CCDC47: variants seen among roughly 807,000 people sequenced by gnomAD.
CCDC47 encodes PAT complex subunit CCDC47.
In CCDC47, 41 loss-of-function variants were observed where a neutral mutation model predicts 60.5. The observed-to-expected ratio is 0.68, with a 90% CI of 0.53 to 0.88. The LOEUF is 0.88. Ranked by LOEUF, CCDC47 falls within the 40% of genes least tolerant of loss-of-function variation. The pLI, the probability that CCDC47 is intolerant of heterozygous loss-of-function variation, is 0.00. For synonymous variants in CCDC47, 195 were observed against 190.7 expected (o/e 1.02, Z -0.18); for missense variants, 513 against 580.9 (o/e 0.88, Z 1.20).
chr17:63,748,144 T>C (rs975547777), intron 12 of CCDC47, among the ~76,000 whole-genome samples: 6 of 151,424 alleles, frequency 4.0e-5, no homozygotes, highest in Non-Finnish European at 5.9e-5. Context: ...CGTGAGCCAA[T>C]GTGCCTGGCC....
chr17:63,765,945 G>C lies in CCDC47; in HGVS notation c.231C>G (p.Asn77Lys). The change falls in exon 2 of 13, where the codon AAC becomes AAG. Residue 77 changes from asparagine to lysine, a missense_variant. Transcript: ENST00000225726. ...TTVELEGQDENQEGDFEDADT... is the reference protein window; with the variant it reads ...TTVELEGQDEKQEGDFEDADT... ...CTGCATCTTCAAAATCTCCTTCTTG[G>C]TTTTCATCCTGCCCTTCCAACTCCA... 1 of 1,613,566 alleles carries C rather than the reference G, an allele frequency of 6.2e-7. No homozygotes were observed. The highest frequency in any genetic ancestry group is 8.5e-7 in the Non-Finnish European group (1 of 1,179,798).
Position 63,771,346 on chromosome 17 carries a change from C to G in CCDC47, c.-20+2066G>C, listed in dbSNP as rs560888887. Among the ~76,000 whole-genome samples the G allele has an allele frequency of 2.6e-5, 4 of 152,124 alleles. No individual in the cohort carries two copies. In the East Asian group the frequency reaches 7.7e-4, roughly 29 times the overall value. ...GCATAGGTTATACGTAAATACTACA[C>G]CATTTTATATAAGGGACTTGAGTAT... On this transcript the variant is annotated intron_variant, in intron 1 of 12. Coordinates refer to ENST00000225726, the MANE Select transcript of CCDC47 (RefSeq NM_020198.3).
intron 4 of CCDC47, 175 bp from the exon 5 acceptor site, chr17:63,761,526 A>T (rs1184485416): frequency 2.2e-6 from 1 of 459,266 alleles, no homozygotes; most frequent in Non-Finnish European, 3.6e-6. Flanking sequence ...CTAAAAAAAA[A>T]AAAAAAAAAA....
intron 9 of CCDC47, chr17:63,753,393 T>C (rs938360882): frequency 4.9e-6 from 1 of 202,036 alleles, no homozygotes; most frequent in East Asian, 1.9e-4. Context: ...TGCCACTGAG[T>C]TGAGCAAGAC....
At chr17:63,751,721 A>G (rs1441237695) in intron 12 of CCDC47, 21 of 627,592 alleles carry the variant, frequency 3.3e-5, no homozygotes, top group South Asian at 2.1e-4. Flanking sequence ...GGGGAACAGG[A>G]TAATACTGAT....
At chr17:63,771,236 T>C (rs145096430) in intron 1 of CCDC47, among the ~76,000 whole-genome samples, 90 of 151,772 alleles carry the variant, frequency 5.9e-4, no homozygotes, top group African/African-American at 1.9e-3. Flanking sequence ...TAAAAAAAAA[T>C]ACAATTAAAT....
chr17:63,762,856 T>C (rs111522542), intron 4 of CCDC47, among the ~76,000 whole-genome samples: 20 of 152,350 alleles, frequency 1.3e-4, no homozygotes, highest in Admixed American at 1.2e-3. Flanking sequence ...GATTACATTA[T>C]ACTAATCAGA....
At chr17:63,752,840 A>G in intron 9 of CCDC47, 41 bp from the exon 10 acceptor site, 1 of 1,596,676 alleles carries the variant, frequency 6.3e-7, no homozygotes, top group Admixed American at 1.7e-5. Context: ...AATACAAGAA[A>G]GATGTTTTCC....
chr17:63,765,044 A>G lies in CCDC47; in HGVS notation c.265-197T>C, dbSNP rs1030972002. The G allele has an allele frequency of 8.6e-6, 7 of 813,710 alleles. No individual in the cohort carries two copies. The African/African-American group carries it at 9.4e-5, about 11-fold the overall frequency. 50.4% of individuals were successfully genotyped at this position (813,710 alleles called of 1,614,324 possible). A position where few individuals can be genotyped will look rare whatever the true frequency, so the allele number is the denominator to read the frequency against. Reference sequence around the variant, plus strand: ...AGAAAGTTCTGAAGACCTAATGTGCAGCAAGGTGACTACAGTTAATAATAA... The same window carrying G: ...AGAAAGTTCTGAAGACCTAATGTGCGGCAAGGTGACTACAGTTAATAATAA... On this transcript the variant is annotated intron_variant, in intron 2 of 12. Coordinates refer to ENST00000225726, the MANE Select transcript of CCDC47 (RefSeq NM_020198.3).
chr17:63,761,525 A>AG (rs1170590543), intron 4 of CCDC47, 174 bp from the exon 5 acceptor site: 1 of 455,032 alleles, frequency 2.2e-6, no homozygotes, highest in Non-Finnish European at 3.7e-6. Flanking sequence ...ACTAAAAAAA[A>AG]AAAAAAAAAA....
intron 4 of CCDC47, among the ~76,000 whole-genome samples, chr17:63,762,459 A>T (rs1015373946): frequency 6.6e-6 from 1 of 152,248 alleles, no homozygotes; most frequent in African/African-American, 2.4e-5. Flanking sequence ...TTAGGAAAAC[A>T]GCAACTATAG....
At chr17:63,757,184 G>A (rs957761398) in intron 6 of CCDC47, among the ~76,000 whole-genome samples, 1 of 139,856 alleles carries the variant, frequency 7.2e-6, no homozygotes, top group African/African-American at 2.7e-5. Flanking sequence ...AACATAATGG[G>A]ACCCCATCTG....
At chr17:63,755,115 A>AAC (rs1478941711) in intron 8 of CCDC47, among the ~76,000 whole-genome samples, 2 of 151,866 alleles carry the variant, frequency 1.3e-5, no homozygotes, top group African/African-American at 2.4e-5. Context: ...GGACTAAAGG[A>AAC]ACACACAACC....
At chr17:63,769,268 A>C (rs1359985561) in intron 1 of CCDC47, among the ~76,000 whole-genome samples, 1 of 151,532 alleles carries the variant, frequency 6.6e-6, no homozygotes, top group African/African-American at 2.4e-5. Context: ...AAAAAACAAA[A>C]TGTTACAAAT....
chr17:63,749,519 T>A (rs2039146575), intron 12 of CCDC47, among the ~76,000 whole-genome samples: 1 of 148,796 alleles, frequency 6.7e-6, no homozygotes, highest in African/African-American at 2.5e-5. Flanking sequence ...TTTGGGAGGC[T>A]GAAGCAGGCG....
At position 63,765,909 on chromosome 17, in the gene CCDC47, C is replaced by T; in HGVS notation, c.264+3G>A. The T allele has an allele frequency of 6.2e-7, 1 of 1,606,822 alleles. No individual in the cohort carries two copies. Among genetic ancestry groups the T allele is most frequent in the Non-Finnish European group, 8.5e-7 (1 of 1,176,574 alleles). ...TCCAATAAATTAATAAAAAGAGCCT[C>T]ACCTGGGTATCTGCATCTTCAAAAT... On this transcript the variant is annotated splice_donor_region_variant and intron_variant, in intron 2 of 12. Coordinates refer to ENST00000225726, the MANE Select transcript of CCDC47 (RefSeq NM_020198.3).
At chr17:63,765,089 C>G (rs2039287459) in intron 2 of CCDC47, 1 of 310,004 alleles carries the variant, frequency 3.2e-6, no homozygotes, top group Non-Finnish European at 4.7e-6. Context: ...GACTTGAAAT[C>G]TGCTAAGAGA....
At chr17:63,761,114 T>A (rs2039255676) in intron 5 of CCDC47, 116 bp downstream of exon 5, 4 of 1,444,614 alleles carry the variant, frequency 2.8e-6, no homozygotes, top group Non-Finnish European at 2.9e-6. Context: ...AATATCACTT[T>A]TAGACCTCAT....
intron 1 of CCDC47, chr17:63,766,691 C>A (rs2039300350): frequency 3.1e-6 from 1 of 318,364 alleles, no homozygotes; most frequent in African/African-American, 2.2e-5. Flanking sequence ...TCCCAAAGTG[C>A]TGGGATTACA....
Sources: gnomAD v4.1 joint callset for allele counts (sites outside exome capture counted in the v4.1 genomes callset) on GRCh38, gnomAD v4.1.1 for gene constraint, MANE v1.5 for transcripts, NCBI Gene and HGNC (gene_info 2026-07-23, HGNC 2026-07-21) for gene names.